GON4L: variants seen among roughly 807,000 people sequenced by gnomAD.
GON4L encodes the protein GON-4-like protein.
A neutral mutation model predicts 211.8 loss-of-function variants in GON4L; 87 were observed. The observed-to-expected ratio is 0.41, with a 90% CI of 0.35 to 0.49. The LOEUF is 0.49. GON4L is among the 20% of genes least tolerant of loss of function. The pLI is 0.15. For missense variants in GON4L, 2,155 were observed against 2,659.5 expected, an observed-to-expected ratio of 0.81 and a Z score of 4.17; for synonymous variants, 875 against 962.6, an observed-to-expected ratio of 0.91 and a Z score of 1.68.
At chr1:155,837,641 G>C (rs1235569921) in intron 2 of GON4L, among the ~76,000 whole-genome samples, 2 of 151,712 alleles carry the variant, frequency 1.3e-5, no homozygotes, top group African/African-American at 2.4e-5. Context: ...TCCCCCACCA[G>C]AGAAACAAAG....
At chr1:155,767,623 G>A (rs1350911350) in intron 19 of GON4L, 82 bp from the exon 20 acceptor site, 9 of 1,502,194 alleles carry the variant, frequency 6.0e-6, no homozygotes, top group Non-Finnish European at 7.3e-6. Flanking sequence ...GGGTGGTGGT[G>A]GATCAAGAGA....
At chr1:155,787,757 G>A in intron 12 of GON4L, among the ~76,000 whole-genome samples, 1 of 150,414 alleles carries the variant, frequency 6.6e-6, no homozygotes. Flanking sequence ...TGGGCAACAG[G>A]GCGAGGACTC....
chr1:155,765,232 G>A lies in GON4L; in HGVS notation c.4241C>T (p.Ala1414Val), dbSNP rs564160861. The A allele has an allele frequency of 1.2e-6, 2 of 1,614,184 alleles. No individual in the cohort carries two copies. Among genetic ancestry groups the A allele is most frequent in the Admixed American group, 3.3e-5 (2 of 60,022 alleles). The change falls in exon 21 of 32, where the codon GCT becomes GTT. Residue 1414 changes from alanine to valine, a missense_variant. Around this residue, in one of 6 missense-constraint regions of GON4L, gnomAD observed 615 missense variants for 625.7 expected, o/e 0.98. Transcript: ENST00000368331. ...CACTTCAGGATCCATTGAGGACAAA[G>A]CATTCTTTGATGATCCTTTGTTCAC... Reference protein sequence around the residue: ...TDVNKGSSKNALSSMDPEVRL... With the variant: ...TDVNKGSSKNVLSSMDPEVRL...
chr1:155,776,628 G>T, intron 15 of GON4L, 147 bp from the exon 16 acceptor site: 1 of 730,884 alleles, frequency 1.4e-6, no homozygotes, highest in Non-Finnish European at 2.4e-6. Context: ...ATGGCTCCAC[G>T]CCCTCTCAAC....
intron 2 of GON4L, among the ~76,000 whole-genome samples, chr1:155,848,563 T>C (rs866603): frequency 0.94 from 142,489 of 152,232 alleles, 67,451 homozygotes; most frequent in East Asian, 1. Context: ...GCAGAATATG[T>C]TATTCTACTT....
intron 11 of GON4L, among the ~76,000 whole-genome samples, chr1:155,804,270 G>A (rs1666940600): frequency 6.6e-6 from 1 of 152,096 alleles, no homozygotes; most frequent in Non-Finnish European, 1.5e-5. Flanking sequence ...CTACTTGGGA[G>A]GCTGAGACCT....
chr1:155,749,088 A>C (rs1660364515), downstream of GON4L, among the ~76,000 whole-genome samples: 1 of 152,054 alleles, frequency 6.6e-6, no homozygotes, highest in Non-Finnish European at 1.5e-5. Context: ...CCCCATCTCT[A>C]CTAAAAACAT....
intron 8 of GON4L, among the ~76,000 whole-genome samples, chr1:155,815,054 C>T (rs1668118502): frequency 1.3e-5 from 2 of 151,994 alleles, no homozygotes; most frequent in Admixed American, 6.6e-5. Flanking sequence ...ATGGAGATGG[C>T]AGTGAGCCAA....
At chr1:155,833,892 A>C (rs1670051649) in intron 2 of GON4L, among the ~76,000 whole-genome samples, 1 of 151,842 alleles carries the variant, frequency 6.6e-6, no homozygotes, top group Non-Finnish European at 1.5e-5. Context: ...CAGTGGTGCG[A>C]TCAGAGCTCA....
In GON4L at chr1:155,760,568, C is replaced by T. The variant is rs1206103569; in HGVS notation, c.4985G>A (p.Ser1662Asn). ...ATCTACAGCCGTCCGTCTCTGGGTACTTGACTCAAATTCATAGATGACTTG... is the reference window on the plus strand; with the variant it reads ...ATCTACAGCCGTCCGTCTCTGGGTATTTGACTCAAATTCATAGATGACTTG... ...FLQVIYEFES[S>N]TQRRTAVDLY... Residue 1662 changes from serine to asparagine, a missense_variant, in exon 24 of 32, where the codon AGT (serine) becomes AAT (asparagine). Around this residue, in one of 6 missense-constraint regions of GON4L, gnomAD observed 455 missense variants for 504.6 expected, o/e 0.90. Coordinates refer to ENST00000368331, the MANE Select transcript of GON4L (RefSeq NM_001282860.2). 2.5e-6 allele frequency: 4 copies of T among 1,613,302 alleles called. No homozygotes were observed. The highest frequency in any genetic ancestry group is 3.4e-6 in the Non-Finnish European group (4 of 1,179,270).
intron 19 of GON4L, 23 bp downstream of exon 19, chr1:155,771,044 T>A: frequency 6.2e-7 from 1 of 1,614,152 alleles, no homozygotes; most frequent in Non-Finnish European, 8.5e-7. Context: ...GGTGCCCGGA[T>A]GGCGCATGCA....
rs757285338 is a variant in GON4L, at chr1:155,753,284, GCTTCCT to G, written c.5756_5761del (p.Glu1919_Glu1920del). On this transcript the variant is annotated inframe_deletion, in exon 29 of 32. Coordinates refer to ENST00000368331, the MANE Select transcript of GON4L (RefSeq NM_001282860.2). ...CTCAGTGCTCTCCCGCTCCTCTGGG[GCTTCCT>G]CTTCCATCATATCCTTGCCCTGCCC... 1 of 1,613,662 alleles carries G rather than the reference GCTTCCT, an allele frequency of 6.2e-7. No individual in the cohort carries two copies. The highest frequency in any genetic ancestry group is 8.5e-7 in the Non-Finnish European group (1 of 1,179,784).
Position 155,813,690 on chromosome 1 carries a change from A to C in GON4L, c.1396T>G (p.Leu466Val). The C allele has an allele frequency of 6.2e-7, 1 of 1,613,796 alleles. No individual in the cohort carries two copies. The highest frequency in any genetic ancestry group is 8.5e-7 in the Non-Finnish European group (1 of 1,179,736). ...GCCAGCTCCTCATCTACCGCATGTA[A>C]CTTCTCCATGAAAGTACTATCTCTG... The part of the protein sequence containing the change: ...QTRDSTFMEK[L>V]HAVDEELASS... Residue 466 changes from leucine to valine, a missense_variant, in exon 10 of 32, where the codon TTA becomes GTA. This residue lies in a region of GON4L where 551 missense variants were observed against 854.0 expected (regional missense o/e 0.65). Coordinates refer to ENST00000368331, the MANE Select transcript of GON4L (RefSeq NM_001282860.2).
At chr1:155,747,004 A>G, downstream of GON4L, 1 of 1,589,396 alleles carries the variant, frequency 6.3e-7, no homozygotes, top group Non-Finnish European at 8.5e-7. Context: ...TCCTTTTCCT[A>G]AGGACTGCGA....
chr1:155,836,179 C>T (rs1309197704), intron 2 of GON4L, among the ~76,000 whole-genome samples: 3 of 151,870 alleles, frequency 2.0e-5, no homozygotes, highest in Admixed American at 2.0e-4. Flanking sequence ...CAAAGACTGA[C>T]TGGCACCATT....
intron 1 of GON4L, among the ~76,000 whole-genome samples, chr1:155,855,397 C>G (rs1672178885): frequency 6.6e-6 from 1 of 151,996 alleles, no homozygotes; most frequent in Non-Finnish European, 1.5e-5. Context: ...TGCTCTGTCA[C>G]CCAGGCTGCA....
At chr1:155,745,880 G>A (rs771596271), downstream of GON4L, 17 of 997,014 alleles carry the variant, frequency 1.7e-5, no homozygotes, top group African/African-American at 2.8e-4. Flanking sequence ...ACATTTTGCC[G>A]GTTTCGTGGG....
downstream of GON4L, chr1:155,748,807 T>C (rs1282028388): frequency 5.6e-6 from 9 of 1,596,332 alleles, no homozygotes; most frequent in Middle Eastern, 1.7e-4. Flanking sequence ...TGTTGGTCCT[T>C]AGGAGTCCTT....
In GON4L at chr1:155,795,041, C is replaced by CA; in HGVS notation, c.1747+8dup. On this transcript the variant is annotated intron_variant, in intron 12 of 31. Transcript: ENST00000368331. Reference sequence around the variant, plus strand: ...TCAAGAGCAGGACTTAGAATAAACACAGACTCACTGGTGATTCTCACTGCC... The same window carrying CA: ...TCAAGAGCAGGACTTAGAATAAACACAAGACTCACTGGTGATTCTCACTGCC... The CA allele has an allele frequency of 6.8e-7, 1 of 1,467,382 alleles. No individual in the cohort carries two copies. Among genetic ancestry groups the CA allele is most frequent in the South Asian group, 1.1e-5 (1 of 88,160 alleles). 90.9% of individuals were successfully genotyped at this position (1,467,382 alleles called of 1,614,324 possible).
Sources: allele counts gnomAD v4.1 joint callset (sites outside exome capture counted in the v4.1 genomes callset), GRCh38; gene constraint gnomAD v4.1.1; regional missense constraint gnomAD v4.1.1; transcripts MANE v1.5; gene names NCBI Gene and HGNC (gene_info 2026-07-23, HGNC 2026-07-21).